DCHS2: variants seen among roughly 807,000 people sequenced by gnomAD.
DCHS2 encodes protocadherin-23.
Under a neutral mutation model 182.4 loss-of-function variants are expected in DCHS2, and 142 were observed. The ratio of observed to expected loss-of-function variants is 0.78; its 90% CI spans 0.68 to 0.89. DCHS2 has a LOEUF of 0.89. DCHS2 is among the 40% of genes least tolerant of loss of function. The probability of loss-of-function intolerance (pLI) is 0.00; values close to 1 mark genes in which losing one functional copy is unlikely to be tolerated. For synonymous variants in DCHS2, 1,740 were observed against 1,663.3 expected (o/e 1.05, Z -1.12); for missense variants, 4,319 against 4,198.6 (o/e 1.03, Z -0.79).
intron 3 of DCHS2, among the ~76,000 whole-genome samples, chr4:154,337,005 C>A (rs1728843988): frequency 6.6e-6 from 1 of 152,098 alleles, no homozygotes; most frequent in Admixed American, 6.6e-5. Context: ...ACTAATGTAA[C>A]CAACTATTAG....
intron 14 of DCHS2, among the ~76,000 whole-genome samples, chr4:154,268,063 G>A (rs1184144759): frequency 1.3e-5 from 2 of 152,126 alleles, no homozygotes; most frequent in East Asian, 3.9e-4. Context: ...ATGCCCTGTG[G>A]CCATGACTTT....
intron 1 of DCHS2, among the ~76,000 whole-genome samples, chr4:154,400,754 C>T: frequency 6.6e-6 from 1 of 152,118 alleles, no homozygotes; most frequent in East Asian, 1.9e-4. Flanking sequence ...AAAATCCCTC[C>T]CTCTCTCTCA....
intron 1 of DCHS2, among the ~76,000 whole-genome samples, chr4:154,472,266 A>G (rs1209763369): frequency 6.6e-6 from 1 of 152,216 alleles, no homozygotes; most frequent in Non-Finnish European, 1.5e-5. Flanking sequence ...TTCCAAGTCT[A>G]ACATTTGTGA....
chr4:154,352,300 A>G (rs1729657481), intron 3 of DCHS2: 1 of 152,240 alleles, frequency 6.6e-6, no homozygotes, highest in South Asian at 2.1e-4. Context: ...AGATAATAAG[A>G]AGCAACAGCT....
intron 13 of DCHS2, among the ~76,000 whole-genome samples, chr4:154,282,702 A>G (rs1257299783): frequency 1.3e-5 from 2 of 152,116 alleles, no homozygotes; most frequent in African/African-American, 2.4e-5. Flanking sequence ...TGAAAACAGG[A>G]TCTCAAAGGG....
chr4:154,291,893 C>T (rs1036605734), intron 13 of DCHS2, among the ~76,000 whole-genome samples: 1 of 152,066 alleles, frequency 6.6e-6, no homozygotes, highest in African/African-American at 2.4e-5. Flanking sequence ...TTTGATAGCA[C>T]AACAGGGTTC....
rs145036588 is a variant in DCHS2 at position 154,323,334 on chromosome 4, CAA to C, written c.4019-848_4019-847del. On this transcript the variant is annotated intron_variant, in intron 7 of 19. Coordinates refer to ENST00000357232, the MANE Select transcript of DCHS2 (RefSeq NM_001358235.2). ...CCTTCAGAGGCATAGGTCTAGCTGCCAAAAAAAAAAAAAAAGATGAAGTCTCT... is the reference window on the plus strand; with the variant it reads ...CCTTCAGAGGCATAGGTCTAGCTGCCAAAAAAAAAAAAAGATGAAGTCTCT... 3.6e-3 allele frequency: 5,098 copies of C among 1,419,518 alleles called. 1 individual carries two copies. The highest frequency in any genetic ancestry group is 0.012 in the South Asian group (882 of 71,268). 87.9% of individuals were successfully genotyped at this position (1,419,518 alleles called of 1,614,324 possible).
intron 3 of DCHS2, among the ~76,000 whole-genome samples, chr4:154,340,012 TTA>T (rs1254147080): frequency 1.3e-5 from 2 of 152,178 alleles, no homozygotes; most frequent in Non-Finnish European, 2.9e-5. Context: ...TTTTTAATAA[TTA>T]TATGTTAACT....
At chr4:154,276,912 G>T (rs1400141246) in intron 13 of DCHS2, among the ~76,000 whole-genome samples, 1 of 152,166 alleles carries the variant, frequency 6.6e-6, no homozygotes, top group Admixed American at 6.5e-5. Flanking sequence ...AAATTCTTTT[G>T]TGCTACAATC....
Position 154,326,654 on chromosome 4 carries a change from G to A in DCHS2, c.4018+1439C>T, listed in dbSNP as rs148245773. ...ACCGATCATATCAGCATCACGTATT[G>A]ATAGTCCATCTTTTCCCCATTTATT... On this transcript the variant is annotated intron_variant, in intron 7 of 19. Transcript: ENST00000357232. 2.5e-3 allele frequency among the ~76,000 whole-genome samples: 375 copies of A among 152,176 alleles called. 3 individuals are homozygous for A. Among genetic ancestry groups the A allele is most frequent in the African/African-American group, 8.5e-3 (353 of 41,532 alleles).
At chr4:154,391,205 A>G (rs201240631) in intron 1 of DCHS2, 1 of 1,613,736 alleles carries the variant, frequency 6.2e-7, no homozygotes, top group Non-Finnish European at 8.5e-7. Flanking sequence ...CATACACCTC[A>G]TATACACAGG....
chr4:154,313,752 T>G (rs1368918819), intron 10 of DCHS2, among the ~76,000 whole-genome samples: 1 of 152,204 alleles, frequency 6.6e-6, no homozygotes, highest in Non-Finnish European at 1.5e-5. Flanking sequence ...CACTGAGATT[T>G]CCAGTAAATC....
chr4:154,465,689 AC>A (rs1441118524), intron 1 of DCHS2, among the ~76,000 whole-genome samples: 1 of 151,822 alleles, frequency 6.6e-6, no homozygotes, highest in Non-Finnish European at 1.5e-5. Context: ...AAAGTGACAT[AC>A]CATTACTTCT....
At chr4:154,269,601 ACTC>A (rs1733471974) in intron 14 of DCHS2, 1 of 250,298 alleles carries the variant, frequency 4.0e-6, no homozygotes, top group South Asian at 5.3e-5. Context: ...TGATCTCACT[ACTC>A]TATCTCCAAT....
At chr4:154,480,820 G>A (rs977557460) in intron 1 of DCHS2, among the ~76,000 whole-genome samples, 1 of 152,006 alleles carries the variant, frequency 6.6e-6, no homozygotes, top group Non-Finnish European at 1.5e-5. Context: ...ATAGAGATAG[G>A]GTTTTGTTAT....
At chr4:154,469,170 T>C (rs1210187046) in intron 1 of DCHS2, among the ~76,000 whole-genome samples, 1 of 152,062 alleles carries the variant, frequency 6.6e-6, no homozygotes, top group African/African-American at 2.4e-5. Flanking sequence ...AGGTTGTTTA[T>C]TGGGGTCAAG....
intron 3 of DCHS2, among the ~76,000 whole-genome samples, chr4:154,337,324 A>G (rs1728858071): frequency 6.6e-6 from 1 of 152,192 alleles, no homozygotes; most frequent in Non-Finnish European, 1.5e-5. Flanking sequence ...AAAAGATTTT[A>G]TGTTGAGCCC....
chr4:154,241,224 T>C (rs1731810192), intron 17 of DCHS2, among the ~76,000 whole-genome samples: 1 of 152,126 alleles, frequency 6.6e-6, no homozygotes, highest in Non-Finnish European at 1.5e-5. Flanking sequence ...ATACAAAACA[T>C]GGCATTTTCA....
intron 1 of DCHS2, among the ~76,000 whole-genome samples, chr4:154,425,787 C>T (rs1733300171): frequency 6.6e-6 from 1 of 152,214 alleles, no homozygotes; most frequent in Non-Finnish European, 1.5e-5. Flanking sequence ...TCAGTGTGCA[C>T]ACCACAGACC....
Sources: allele counts gnomAD v4.1 joint callset (sites outside exome capture counted in the v4.1 genomes callset), GRCh38; gene constraint gnomAD v4.1.1; transcripts MANE v1.5; gene names NCBI Gene and HGNC (gene_info 2026-07-23, HGNC 2026-07-21).